CD200: variants seen among roughly 807,000 people sequenced by gnomAD.
The protein encoded by CD200 is CD200 molecule.
CD200 carries 15 observed loss-of-function variants against 30.9 expected under a neutral mutation model. The observed-to-expected ratio is 0.49, with a 90% CI of 0.32 to 0.75. CD200 has a LOEUF of 0.75. CD200 is among the 30% of genes least tolerant of loss of function. The pLI is 0.03. For missense variants in CD200, 262 were observed against 324.2 expected (o/e 0.81, Z 1.47); for synonymous variants, 134 against 126.2 (o/e 1.06, Z -0.41).
intron 1 of CD200, among the ~76,000 whole-genome samples, chr3:112,335,191 G>A (rs1163323617): frequency 1.3e-5 from 2 of 152,030 alleles, no homozygotes; most frequent in Non-Finnish European, 2.9e-5. Context: ...GAAAATTATC[G>A]AGTTATATAT....
At chr3:112,340,601 C>G (rs1406627229) in intron 1 of CD200, among the ~76,000 whole-genome samples, 1 of 152,080 alleles carries the variant, frequency 6.6e-6, no homozygotes. Context: ...GTTTGTTTTC[C>G]CCAGTGATCC....
intron 5 of CD200, among the ~76,000 whole-genome samples, chr3:112,351,857 G>A (rs1282799820): frequency 6.6e-6 from 1 of 152,138 alleles, no homozygotes; most frequent in Non-Finnish European, 1.5e-5. Flanking sequence ...GAAGGAAAAG[G>A]GGAGCCAGTG....
intron 1 of CD200, among the ~76,000 whole-genome samples, chr3:112,337,887 C>T (rs2081154199): frequency 6.6e-6 from 1 of 152,050 alleles, no homozygotes; most frequent in African/African-American, 2.4e-5. Context: ...TATGCATATC[C>T]TCCCATATAT....
intron 1 of CD200, among the ~76,000 whole-genome samples, chr3:112,339,392 A>G (rs2081189251): frequency 6.6e-6 from 1 of 152,232 alleles, no homozygotes; most frequent in Admixed American, 6.5e-5. Flanking sequence ...GGATGAATGC[A>G]GAGTGATGGA....
intron 3 of CD200, among the ~76,000 whole-genome samples, chr3:112,347,204 C>T (rs1334472667): frequency 2.0e-5 from 3 of 152,208 alleles, no homozygotes; most frequent in African/African-American, 7.2e-5. Flanking sequence ...CAGAAGAAGG[C>T]AGAGATGCTG....
At chr3:112,358,081 C>T (rs13089789) in intron 5 of CD200, among the ~76,000 whole-genome samples, 6 of 152,164 alleles carry the variant, frequency 3.9e-5, no homozygotes, top group African/African-American at 4.8e-5. Context: ...TTCACACACG[C>T]GCACACACAC....
At chr3:112,333,073 G>C, upstream of CD200, 3 of 1,283,506 alleles carry the variant, frequency 2.3e-6, no homozygotes, top group Non-Finnish European at 3.3e-6. Flanking sequence ...TGGGGAAAAC[G>C]GAGTGGGAGA....
intron 2 of CD200, among the ~76,000 whole-genome samples, chr3:112,342,337 C>CTTT (rs2081268514): frequency 4.9e-5 from 1 of 20,308 alleles, no homozygotes; most frequent in Admixed American, 4.2e-4. Flanking sequence ...TTCTTTCTTT[C>CTTT]CTTCTTTCTT....
chr3:112,350,672 G>A (rs1182829574), intron 5 of CD200, among the ~76,000 whole-genome samples: 1 of 152,218 alleles, frequency 6.6e-6, no homozygotes, highest in Non-Finnish European at 1.5e-5. Flanking sequence ...AAGGGGTGAT[G>A]TGGGAGTTTC....
intron 5 of CD200, among the ~76,000 whole-genome samples, chr3:112,357,360 T>C (rs567153641): frequency 2.0e-4 from 31 of 152,186 alleles, no homozygotes; most frequent in South Asian, 6.2e-4. Context: ...GCGGAGTGTT[T>C]ATTTGTAGCT....
At chr3:112,342,309 T>TTCCTTCCTTC (rs2081258768) in intron 2 of CD200, among the ~76,000 whole-genome samples, 4 of 72,464 alleles carry the variant, frequency 5.5e-5, no homozygotes, top group Admixed American at 1.4e-4. Context: ...TTCCTTCCTT[T>TTCCTTCCTTC]CTTCTTTCTT....
chr3:112,344,941 T>C (rs2081351049), intron 2 of CD200, 21 bp from the exon 3 acceptor site: 1 of 1,525,942 alleles, frequency 6.6e-7, no homozygotes, highest in African/African-American at 1.4e-5. Flanking sequence ...TAAATATAAA[T>C]GTTCTTTTAT....
At chr3:112,337,849 T>C (rs2108425270) in intron 1 of CD200, among the ~76,000 whole-genome samples, 1 of 152,306 alleles carries the variant, frequency 6.6e-6, no homozygotes, top group Admixed American at 6.5e-5. Context: ...GTCCCTTATA[T>C]GAAATGCTGT....
chr3:112,333,399 G>A (rs1335443876), intron 1 of CD200, 175 bp downstream of exon 1: 2 of 985,320 alleles, frequency 2.0e-6, no homozygotes, highest in Non-Finnish European at 2.4e-6. Flanking sequence ...TTCTCTTGCT[G>A]AGAAACGGAT....
At chr3:112,336,088 A>G in intron 1 of CD200, 3 of 968,850 alleles carry the variant, frequency 3.1e-6, no homozygotes, top group Non-Finnish European at 3.4e-6. Context: ...AATGAAGCTT[A>G]TTATATAAGA....
At chr3:112,335,282 T>A (rs911755166) in intron 1 of CD200, among the ~76,000 whole-genome samples, 1 of 152,240 alleles carries the variant, frequency 6.6e-6, no homozygotes, top group African/African-American at 2.4e-5. Flanking sequence ...CTTTGTAGGC[T>A]GTATGTATTC....
intron 5 of CD200, among the ~76,000 whole-genome samples, chr3:112,351,523 T>C (rs1347747349): frequency 6.6e-6 from 1 of 152,182 alleles, no homozygotes; most frequent in Non-Finnish European, 1.5e-5. Context: ...CAATATCCGA[T>C]TCTTGAAGCA....
At chr3:112,356,113 CT>C (rs1216956756) in intron 5 of CD200, among the ~76,000 whole-genome samples, 1 of 152,124 alleles carries the variant, frequency 6.6e-6, no homozygotes, top group Admixed American at 6.5e-5. Context: ...CCTCTTGCCC[CT>C]CTCAGTATTC....
intron 1 of CD200, among the ~76,000 whole-genome samples, chr3:112,339,618 C>T (rs1277027096): frequency 6.6e-6 from 1 of 152,162 alleles, no homozygotes; most frequent in East Asian, 1.9e-4. Context: ...CTCACAGTCC[C>T]CTAAAGGGAC....
Sources: gnomAD v4.1 joint callset for allele counts (sites outside exome capture counted in the v4.1 genomes callset) on GRCh38, gnomAD v4.1.1 for gene constraint, MANE v1.5 for transcripts, NCBI Gene and HGNC (gene_info 2026-07-23, HGNC 2026-07-21) for gene names.